The following HAUS2 variants were observed in gnomAD, a reference collection of about 807,000 sequenced individuals.
The protein encoded by HAUS2 is HAUS augmin like complex subunit 2.
In HAUS2, 20 loss-of-function variants were observed where a neutral mutation model predicts 21.6. That is an observed-to-expected ratio of 0.93 (90% CI 0.65 to 1.35). HAUS2 has a LOEUF of 1.35. Among genes scored for constraint, HAUS2 ranks in the 40% most tolerant of loss-of-function variants. HAUS2 has a pLI of 0.00. For synonymous variants in HAUS2, 113 were observed against 95.6 expected, an observed-to-expected ratio of 1.18 and a Z score of -1.06; for missense variants, 297 against 280.7, an observed-to-expected ratio of 1.06 and a Z score of -0.42.
chr15:42,566,119 T>C (rs1287348340), intron 5 of HAUS2, among the ~76,000 whole-genome samples: 2 of 151,978 alleles, frequency 1.3e-5, no homozygotes. Flanking sequence ...GAAGAATCGC[T>C]TGAACCCAGG....
In HAUS2 at chr15:42,548,924, C is replaced by T; in HGVS notation, c.52C>T (p.Leu18=). ...GGCGTCCGCGCCTAACGGCGCTGGG[C>T]TAGTGCTAGGCCACTTCATAGCTTC... ...DPASAPNGAG[L]VLGHFIASGM... is the part of the protein sequence containing the mutation. Residue 18 remains leucine, a synonymous_variant, in exon 1 of 6, where the codon CTA becomes TTA. Coordinates refer to ENST00000260372, the MANE Select transcript of HAUS2 (RefSeq NM_018097.3). 1 of 1,540,302 alleles carries T rather than the reference C, an allele frequency of 6.5e-7. No individual in the cohort carries two copies. Among genetic ancestry groups the T allele is most frequent in the Non-Finnish European group, 8.8e-7 (1 of 1,140,264 alleles).
rs970748275 is a variant in HAUS2 at position 42,548,858 on chromosome 15, A to G, written c.-15A>G. 2 of 1,542,514 alleles carry G rather than the reference A, an allele frequency of 1.3e-6. No homozygotes were observed. The highest frequency in any genetic ancestry group is 2.0e-5 in the Admixed American group (1 of 50,260). On this transcript the variant is annotated 5_prime_UTR_variant, in exon 1 of 6. Coordinates refer to ENST00000260372, the MANE Select transcript of HAUS2 (RefSeq NM_018097.3). ...CGCTCACTCTTGGCGCCTTCGCGGA[A>G]GGTGCGTCCGAGCCATGGCCGCTGC...
rs1421820160 is a variant in HAUS2 at position 42,558,178 on chromosome 15, C to G, written c.94-20C>G. On this transcript the variant is annotated intron_variant, in intron 1 of 5. Coordinates refer to ENST00000260372, the MANE Select transcript of HAUS2 (RefSeq NM_018097.3). The stretch of plus-strand genomic sequence containing the variant: ...ACTTTTTGTGACATTCTGCTACTTT[C>G]CTTATTCATTTACCAATAGGAGATG... 3 of 1,076,366 alleles carry G rather than the reference C, an allele frequency of 2.8e-6. No homozygotes were observed. Among genetic ancestry groups the G allele is most frequent in the Non-Finnish European group, 4.3e-6 (3 of 701,832 alleles). 66.7% of individuals were successfully genotyped at this position (1,076,366 alleles called of 1,614,324 possible). A position where few individuals can be genotyped will look rare whatever the true frequency, so the allele number is the denominator to read the frequency against.
In HAUS2 at chr15:42,559,366, C is replaced by G; in HGVS notation, c.214C>G (p.Leu72Val). The G allele has an allele frequency of 6.2e-7, 1 of 1,605,578 alleles. No homozygotes were observed. The highest frequency in any genetic ancestry group is 8.5e-7 in the Non-Finnish European group (1 of 1,172,300). The change falls in exon 3 of 6, where the codon CTA becomes GTA. Residue 72 changes from leucine to valine, a missense_variant. Coordinates refer to ENST00000260372, the MANE Select transcript of HAUS2 (RefSeq NM_018097.3). ...QKNLEIELLK[L>V]EKDTADVVHP... ...AAACCTGGAAATTGAACTCCTGAAA[C>G]TAGAAAAAGATACAGCAGATGTTGT...
chr15:42,549,046 T>C, intron 1 of HAUS2, 81 bp downstream of exon 1: 1 of 912,980 alleles, frequency 1.1e-6, no homozygotes, highest in South Asian at 1.4e-5. Flanking sequence ...CTGCTGGCTG[T>C]GGGAGTGGTG....
Position 42,558,292 on chromosome 15 carries a change from T to C in HAUS2, c.186+2T>C, listed in dbSNP as rs1291456100. 9.4e-7 allele frequency: 1 copy of C among 1,058,938 alleles called. No homozygotes were observed. Among genetic ancestry groups the C allele is most frequent in the Non-Finnish European group, 1.4e-6 (1 of 703,636 alleles). The allele number at this position is 1,058,938 out of a possible 1,614,324, so 65.6% of individuals were successfully genotyped here. The stretch of plus-strand genomic sequence containing the variant: ...AATATTCAAGCTGAAATCTACCAGG[T>C]AAATCATTTTGTTTTCACTTTCTTT... On this transcript the variant is annotated splice_donor_variant, in intron 2 of 5. Transcript: ENST00000260372. LOFTEE classifies it high-confidence loss of function.
intron 4 of HAUS2, among the ~76,000 whole-genome samples, chr15:42,563,249 TA>T (rs914887059): frequency 7.3e-5 from 11 of 151,280 alleles, no homozygotes; most frequent in Non-Finnish European, 1.3e-4. Flanking sequence ...CCCCTTCTGC[TA>T]AAAATACAAA....
chr15:42,566,382 A>G (rs1566836604), intron 5 of HAUS2, among the ~76,000 whole-genome samples: 3 of 152,190 alleles, frequency 2.0e-5, no homozygotes, highest in Admixed American at 6.5e-5. Flanking sequence ...AGGTTTAGCA[A>G]TATAAATTGA....
At chr15:42,557,825 C>T (rs73406526) in intron 1 of HAUS2, among the ~76,000 whole-genome samples, 7,145 of 152,006 alleles carry the variant, frequency 0.047, 562 homozygotes, top group African/African-American at 0.16. Flanking sequence ...ATTTCAACCC[C>T]GGAAGCTCTG....
intron 1 of HAUS2, among the ~76,000 whole-genome samples, chr15:42,557,125 T>A (rs2057786288): frequency 6.8e-6 from 1 of 147,752 alleles, no homozygotes; most frequent in South Asian, 2.1e-4. Context: ...CCATCCTGGC[T>A]AACACAGTGA....
chr15:42,551,145 C>T (rs1231634604), intron 1 of HAUS2, among the ~76,000 whole-genome samples: 1 of 151,806 alleles, frequency 6.6e-6, no homozygotes, highest in African/African-American at 2.4e-5. Flanking sequence ...CCTGCCATCA[C>T]ACCTGCTAAT....
At chr15:42,556,470 G>T (rs1417569817) in intron 1 of HAUS2, among the ~76,000 whole-genome samples, 1 of 150,978 alleles carries the variant, frequency 6.6e-6, no homozygotes, top group African/African-American at 2.4e-5. Context: ...TCACCATGTT[G>T]TCCAGGCTGG....
chr15:42,563,515 A>G (rs922432038), intron 4 of HAUS2, among the ~76,000 whole-genome samples: 3 of 151,988 alleles, frequency 2.0e-5, no homozygotes, highest in African/African-American at 7.2e-5. Flanking sequence ...GATTCCAGAT[A>G]GGATTACTGT....
In HAUS2 at chr15:42,549,596, A is replaced by G. The variant is rs545339449; in HGVS notation, c.93+631A>G. On this transcript the variant is annotated intron_variant, in intron 1 of 5. Transcript: ENST00000260372. ...GGAGTAGCTGGGACTACAGGCGCCC[A>G]CCACCACACCCAGCTAATTTTTTTT... is the stretch of plus-strand genomic sequence containing the variant. Among the ~76,000 whole-genome samples, 5 of 151,034 alleles carry G rather than the reference A, an allele frequency of 3.3e-5. No homozygotes were observed. In the South Asian group the frequency reaches 8.4e-4, roughly 25 times the overall value.
Position 42,548,866 on chromosome 15 carries a change from C to G in HAUS2, c.-7C>G, listed in dbSNP as rs898168506. The G allele has an allele frequency of 5.2e-6, 8 of 1,547,270 alleles. No homozygotes were observed. Among genetic ancestry groups the G allele is most frequent in the Non-Finnish European group, 7.0e-6 (8 of 1,145,138 alleles). On this transcript the variant is annotated 5_prime_UTR_variant, in exon 1 of 6. Transcript: ENST00000260372. ...CTTGGCGCCTTCGCGGAAGGTGCGT[C>G]CGAGCCATGGCCGCTGCCAACCCGT... is the stretch of plus-strand genomic sequence containing the variant.
At position 42,568,868 on chromosome 15, in the gene HAUS2, C is replaced by G. The variant is rs1445739579; in HGVS notation, c.*2052C>G. 6.6e-6 allele frequency: 1 copy of G among 152,156 alleles called. No homozygotes were observed. Among genetic ancestry groups the G allele is most frequent in the Non-Finnish European group, 1.5e-5 (1 of 68,052 alleles). The allele number at this position is 152,156 out of a possible 1,614,324, so 9.4% of individuals were successfully genotyped here. A position where few individuals can be genotyped will look rare whatever the true frequency, so the allele number is the denominator to read the frequency against. ...TTTCCCCCAGACTTTGCCTCTGTAC[C>G]TTTTCTCTTTGCTGTTTTGCTTCAT... On this transcript the variant is annotated 3_prime_UTR_variant, in exon 6 of 6. Transcript: ENST00000260372.
At chr15:42,561,600 A>G in intron 4 of HAUS2, 198 bp downstream of exon 4, 1 of 466,504 alleles carries the variant, frequency 2.1e-6, no homozygotes, top group East Asian at 3.2e-5. Flanking sequence ...GAACTTGGCC[A>G]TCGTGTTTTG....
rs1016925034 is a variant in HAUS2, at chr15:42,566,813, G to A, written c.705G>A (p.Lys235=). 10 of 1,450,540 alleles carry A rather than the reference G, an allele frequency of 6.9e-6. No individual in the cohort carries two copies. Among genetic ancestry groups the A allele is most frequent in the East Asian group, 2.3e-5 (1 of 44,030 alleles). 89.9% of individuals were successfully genotyped at this position (1,450,540 alleles called of 1,614,324 possible). Residue 235 remains lysine (K), a synonymous_variant, in exon 6 of 6, where the codon AAG becomes AAA. Coordinates refer to ENST00000260372, the MANE Select transcript of HAUS2 (RefSeq NM_018097.3). ...SKVHVQTINA[K] ...TTCATGTCCAAACTATTAATGCCAA[G>A]TAGTCATCAACTTTATTTTTGCTTA...
intron 4 of HAUS2, among the ~76,000 whole-genome samples, chr15:42,562,266 G>A (rs999231833): frequency 3.9e-5 from 6 of 152,106 alleles, no homozygotes; most frequent in Non-Finnish European, 7.4e-5. Context: ...TATTTTGTAG[G>A]AAAATAATAG....
Sources: gnomAD v4.1 joint callset for allele counts (sites outside exome capture counted in the v4.1 genomes callset) on GRCh38, gnomAD v4.1.1 for gene constraint, MANE v1.5 for transcripts, NCBI Gene and HGNC (gene_info 2026-07-23, HGNC 2026-07-21) for gene names.